Variants in ORC3 observed in about 807,000 individuals in gnomAD.
ORC3 encodes origin recognition complex subunit 3.
Under a neutral mutation model 100.7 loss-of-function variants are expected in ORC3, and 78 were observed. That is an observed-to-expected ratio of 0.77 (90% CI 0.65 to 0.94). ORC3 has a LOEUF of 0.94. Among genes scored for constraint, ORC3 ranks in the 40% least tolerant of loss-of-function variants. The pLI is 0.00. For missense variants in ORC3, 789 were observed against 823.9 expected (o/e 0.96, Z 0.52); for synonymous variants, 295 against 289.3 (o/e 1.02, Z -0.20).
In ORC3 at chr6:87,643,145, C is replaced by T. The variant is rs74778647; in HGVS notation, c.1382+6659C>T. Among the ~76,000 whole-genome samples the T allele has an allele frequency of 1.7e-3, 263 of 151,314 alleles. 1 individual carries two copies. Among genetic ancestry groups the T allele is most frequent in the African/African-American group, 6.1e-3 (251 of 41,274 alleles). ...GTTTTTTTGTGTAATGGTTTCCAGG[C>T]TTCAATGTGCATAAGAATTAGCTGA... On this transcript the variant is annotated intron_variant, in intron 13 of 19. Coordinates refer to ENST00000392844, the MANE Select transcript of ORC3 (RefSeq NM_012381.4).
chr6:87,618,033 C>T (rs531885581), intron 9 of ORC3, among the ~76,000 whole-genome samples: 14 of 152,268 alleles, frequency 9.2e-5, no homozygotes, highest in African/African-American at 1.9e-4. Context: ...TCTTTAATTT[C>T]ATTTCATTCA....
the ORC3 span, chr6:87,675,816 A>C: frequency 6.4e-7 from 1 of 1,556,514 alleles, no homozygotes; most frequent in South Asian, 1.1e-5. Flanking sequence ...TCCTTAAAAG[A>C]CAGTCTTATT....
chr6:87,599,353 T>A (rs186893531), intron 2 of ORC3, among the ~76,000 whole-genome samples: 7 of 113,224 alleles, frequency 6.2e-5, no homozygotes, highest in East Asian at 2.6e-4. Context: ...CTCTTTTTTT[T>A]ATTATTTATT....
intron 1 of ORC3, 147 bp from the exon 2 acceptor site, chr6:87,594,206 A>G (rs931971157): frequency 1.8e-6 from 1 of 553,782 alleles, no homozygotes; most frequent in Non-Finnish European, 3.3e-6. Context: ...GAGAGAAGTG[A>G]TGTGATTTCT....
chr6:87,606,403 C>T (rs1308103581), intron 5 of ORC3, among the ~76,000 whole-genome samples: 1 of 152,152 alleles, frequency 6.6e-6, no homozygotes, highest in African/African-American at 2.4e-5. Flanking sequence ...CATGTTTCAG[C>T]CATAAATCAT....
At chr6:87,644,489 C>G (rs1166085522) in intron 13 of ORC3, among the ~76,000 whole-genome samples, 2 of 151,810 alleles carry the variant, frequency 1.3e-5, no homozygotes, top group Non-Finnish European at 2.9e-5. Flanking sequence ...GGAGGATCAC[C>G]TGAGTTCAGG....
the ORC3 span, among the ~76,000 whole-genome samples, chr6:87,676,293 T>C: frequency 6.7e-6 from 1 of 148,192 alleles, no homozygotes; most frequent in East Asian, 2.0e-4. Flanking sequence ...TGAAACCCCA[T>C]CTCTACTAAA....
chr6:87,602,960 TATATATATATAC>T lies in ORC3; in HGVS notation c.178-410_178-399del, dbSNP rs1172524257. Among the ~76,000 whole-genome samples, 428 of 57,338 alleles carry T rather than the reference TATATATATATAC, an allele frequency of 7.5e-3. 12 individuals carry two copies. The highest frequency in any genetic ancestry group is 0.05 in the Middle Eastern group (6 of 120). 37.6% of individuals were successfully genotyped at this position (57,338 alleles called of 152,430 possible). ...TATATATATACACATATATAATATA[TATATATATATAC>T]ATATATATATACAATTTTTTTTTTT... On this transcript the variant is annotated intron_variant, in intron 3 of 19. Transcript: ENST00000392844.
the ORC3 span, among the ~76,000 whole-genome samples, chr6:87,673,905 A>G: frequency 9.2e-3 from 1,407 of 152,190 alleles, 13 homozygotes; most frequent in Non-Finnish European, 0.014. Flanking sequence ...TGCTATACCA[A>G]TGTTTCTCAA....
At chr6:87,657,825 G>C (rs1206806526) in intron 15 of ORC3, 96 bp from the exon 16 acceptor site, 16 of 638,186 alleles carry the variant, frequency 2.5e-5, no homozygotes, top group Non-Finnish European at 4.6e-5. Flanking sequence ...TTATGGAAAG[G>C]GCATCAGGTG....
intron 13 of ORC3, among the ~76,000 whole-genome samples, chr6:87,648,376 AAT>A (rs539782602): frequency 2.0e-5 from 3 of 152,232 alleles, no homozygotes; most frequent in Non-Finnish European, 4.4e-5. Flanking sequence ...TCCACACACA[AAT>A]GTATATTAAA....
At chr6:87,612,021 T>G (rs1381246584) in intron 7 of ORC3, 68 bp from the exon 8 acceptor site, 7 of 1,414,588 alleles carry the variant, frequency 4.9e-6, no homozygotes, top group Non-Finnish European at 4.9e-6. Context: ...TGTCTTATGT[T>G]GAAATATGAT....
At position 87,621,473 on chromosome 6, in the gene ORC3, A is replaced by G; in HGVS notation, c.1107A>G (p.Leu369=). 1.3e-6 allele frequency: 2 copies of G among 1,591,062 alleles called. No individual in the cohort carries two copies. Among genetic ancestry groups the G allele is most frequent in the East Asian group, 2.3e-5 (1 of 44,052 alleles). The change falls in exon 10 of 20, where the codon CTA becomes CTG. Residue 369 remains leucine, a synonymous_variant. Coordinates refer to ENST00000392844, the MANE Select transcript of ORC3 (RefSeq NM_012381.4). ...SNNQCENIRR[L]PSFRRYVEKQ... ...ATCAATGTGAAAACATCCGACGTCT[A>G]CCATCTTTTAGGAGGTAAAAAGAGA...
At chr6:87,594,163 CTTG>C (rs901415946) in intron 1 of ORC3, among the ~76,000 whole-genome samples, 187 bp from the exon 2 acceptor site, 4 of 152,160 alleles carry the variant, frequency 2.6e-5, no homozygotes, top group African/African-American at 9.7e-5. Context: ...GATAGTCCCC[CTTG>C]TTGTTTTAGA....
chr6:87,639,774 G>A (rs1439565690), intron 13 of ORC3, among the ~76,000 whole-genome samples: 1 of 142,432 alleles, frequency 7.0e-6, no homozygotes, highest in Non-Finnish European at 1.5e-5. Context: ...GAGCTCAAGA[G>A]TTTGAGACCA....
At chr6:87,642,133 A>G (rs1305470473) in intron 13 of ORC3, among the ~76,000 whole-genome samples, 2 of 152,126 alleles carry the variant, frequency 1.3e-5, no homozygotes, top group Non-Finnish European at 2.9e-5. Flanking sequence ...CCATCTCTAC[A>G]AAAAATACAA....
At chr6:87,665,883 A>T (rs1486120028) in intron 19 of ORC3, 50 bp downstream of exon 19, 1 of 1,139,296 alleles carries the variant, frequency 8.8e-7, no homozygotes, top group South Asian at 1.3e-5. Context: ...ATAAAATATA[A>T]GTTTATAATT....
chr6:87,676,334 A>G, the ORC3 span, among the ~76,000 whole-genome samples: 52 of 148,294 alleles, frequency 3.5e-4, no homozygotes, highest in African/African-American at 1.0e-3. Context: ...GCATGGTGGC[A>G]GGCCGCCTGT....
At chr6:87,604,282 A>G (rs550366405) in intron 4 of ORC3, among the ~76,000 whole-genome samples, 25 of 152,182 alleles carry the variant, frequency 1.6e-4, no homozygotes, top group East Asian at 5.8e-4. Flanking sequence ...CTCAACCTCA[A>G]TGCACCCACA....
Sources: gnomAD v4.1 joint callset for allele counts (sites outside exome capture counted in the v4.1 genomes callset) on GRCh38, gnomAD v4.1.1 for gene constraint, MANE v1.5 for transcripts, NCBI Gene and HGNC (gene_info 2026-07-23, HGNC 2026-07-21) for gene names.